DYTN: variants seen among roughly 807,000 people sequenced by gnomAD.
DYTN encodes dystrotelin.
In DYTN, 75 loss-of-function variants were observed where a neutral mutation model predicts 69.6. The ratio of observed to expected loss-of-function variants is 1.08; its 90% CI spans 0.89 to 1.31. DYTN has a LOEUF of 1.31. Ranked by LOEUF, DYTN falls within the 50% of genes most tolerant of loss-of-function variation. The probability of loss-of-function intolerance (pLI) is 0.00; values close to 1 mark genes in which losing one functional copy is unlikely to be tolerated. For missense variants in DYTN, 726 were observed against 688.4 expected (o/e 1.05, Z -0.61); for synonymous variants, 252 against 249.1 (o/e 1.01, Z -0.11).
chr2:206,671,437 C>T (rs1038646626), intron 9 of DYTN, among the ~76,000 whole-genome samples: 1 of 152,220 alleles, frequency 6.6e-6, no homozygotes, highest in African/African-American at 2.4e-5. Context: ...ACTGCCTCTT[C>T]ATTCAAATAC....
chr2:206,678,670 A>G (rs949842779), intron 9 of DYTN, among the ~76,000 whole-genome samples: 13 of 152,230 alleles, frequency 8.5e-5, no homozygotes, highest in African/African-American at 2.9e-4. Flanking sequence ...ACTATAGAGA[A>G]CTATATAATG....
intron 9 of DYTN, among the ~76,000 whole-genome samples, chr2:206,677,941 G>A (rs748003572): frequency 2.6e-5 from 4 of 151,914 alleles, no homozygotes. Context: ...AGTGAGCCAA[G>A]ATAGTGCCCC....
chr2:206,712,866 A>G (rs1019207316), intron 1 of DYTN, among the ~76,000 whole-genome samples: 4 of 152,234 alleles, frequency 2.6e-5, no homozygotes, highest in African/African-American at 7.2e-5. Context: ...TAATGTTCCA[A>G]TGAATCTGGG....
At chr2:206,699,062 T>C (rs1006945175) in intron 7 of DYTN, among the ~76,000 whole-genome samples, 1 of 152,226 alleles carries the variant, frequency 6.6e-6, no homozygotes, top group African/African-American at 2.4e-5. Context: ...AGCTTGGCAT[T>C]TGTCTAACAC....
chr2:206,711,665 A>T (rs1231048567), intron 1 of DYTN, among the ~76,000 whole-genome samples: 1 of 151,916 alleles, frequency 6.6e-6, no homozygotes, highest in African/African-American at 2.4e-5. Context: ...TACATGTGCC[A>T]TGTGGGTGTG....
intron 9 of DYTN, among the ~76,000 whole-genome samples, chr2:206,685,418 C>T (rs931942080): frequency 1.3e-5 from 2 of 152,122 alleles, no homozygotes; most frequent in African/African-American, 4.8e-5. Context: ...CCATTTCTGC[C>T]TCCCAAAGTG....
At chr2:206,685,181 A>T (rs973962535) in intron 9 of DYTN, among the ~76,000 whole-genome samples, 2 of 97,992 alleles carry the variant, frequency 2.0e-5, no homozygotes, top group Admixed American at 1.1e-4. Flanking sequence ...TTTATTTATT[A>T]TTTTGAAACA....
intron 2 of DYTN, among the ~76,000 whole-genome samples, chr2:206,708,204 TAAA>T (rs1253195998): frequency 2.0e-5 from 3 of 152,204 alleles, no homozygotes; most frequent in African/African-American, 7.2e-5. Context: ...CACCTTCTCC[TAAA>T]ATTTTTACAA....
At position 206,663,055 on chromosome 2, in the gene DYTN, A is replaced by G. The variant is rs757441260; in HGVS notation, c.1481T>C (p.Met494Thr). 3.1e-6 allele frequency: 5 copies of G among 1,613,788 alleles called. No individual in the cohort carries two copies. Among genetic ancestry groups the G allele is most frequent in the Non-Finnish European group, 4.2e-6 (5 of 1,179,870 alleles). Residue 494 changes from methionine (M) to threonine (T), a missense_variant, in exon 11 of 12, where the codon ATG becomes ACG. Coordinates refer to ENST00000452335, the MANE Select transcript of DYTN (RefSeq NM_001093730.1). The stretch of plus-strand genomic sequence containing the variant: ...AGGACTGCTCATTTCAGCAGGAACC[A>G]TTTTGGGGATGTCCTGCTTCAGTCC... ...QEGLKQDIPK[M>T]VPAEMSSPAL...
chr2:206,704,075 A>T (rs1169504848), intron 5 of DYTN, among the ~76,000 whole-genome samples: 1 of 152,242 alleles, frequency 6.6e-6, no homozygotes, highest in Non-Finnish European at 1.5e-5. Context: ...TGATGGAAAT[A>T]ATTTTGAGTA....
chr2:206,699,666 A>G, intron 7 of DYTN, 61 bp downstream of exon 7: 1 of 1,522,174 alleles, frequency 6.6e-7, no homozygotes, highest in South Asian at 1.3e-5. Context: ...GAAGGGATGC[A>G]GCTCCAACTG....
At chr2:206,705,734 T>A (rs1700018461) in intron 4 of DYTN, 54 bp downstream of exon 4, 1 of 1,537,080 alleles carries the variant, frequency 6.5e-7, no homozygotes, top group East Asian at 2.3e-5. Flanking sequence ...GATAACAGGT[T>A]GGGGATTTGG....
intron 9 of DYTN, among the ~76,000 whole-genome samples, chr2:206,668,441 G>C (rs907983325): frequency 6.6e-6 from 1 of 152,140 alleles, no homozygotes; most frequent in African/African-American, 2.4e-5. Context: ...TGCCAATATT[G>C]CCAGCAACTG....
intron 9 of DYTN, chr2:206,670,646 T>C (rs1699620478): frequency 6.6e-6 from 1 of 152,234 alleles, no homozygotes; most frequent in African/African-American, 2.4e-5. Flanking sequence ...ATGATAATTA[T>C]GTTTTTCAAA....
chr2:206,662,870 C>A, intron 11 of DYTN, 33 bp downstream of exon 11: 1 of 1,572,086 alleles, frequency 6.4e-7, no homozygotes, highest in Non-Finnish European at 8.6e-7. Context: ...AATCCTTGGC[C>A]ATCACGATGT....
chr2:206,672,575 G>A (rs1460986182), intron 9 of DYTN, among the ~76,000 whole-genome samples: 2 of 152,228 alleles, frequency 1.3e-5, no homozygotes, highest in Non-Finnish European at 1.5e-5. Flanking sequence ...GTAAAATGCA[G>A]ACAGGCCCAA....
intron 9 of DYTN, among the ~76,000 whole-genome samples, chr2:206,670,721 T>A (rs1321730164): frequency 1.3e-5 from 2 of 152,228 alleles, no homozygotes; most frequent in African/African-American, 4.8e-5. Flanking sequence ...ATGACGCAGA[T>A]GTTTACATGC....
In DYTN at chr2:206,694,777, G is replaced by A. The variant is rs1574599102; in HGVS notation, c.820C>T (p.His274Tyr). The A allele has an allele frequency of 6.2e-7, 1 of 1,606,798 alleles. No individual in the cohort carries two copies. The highest frequency in any genetic ancestry group is 2.2e-5 in the East Asian group (1 of 44,822). ...ACATTAAATGTTACCTGAATGCAGT[G>A]CTCAATGACAGGATGAGACTTCTGA... is the stretch of plus-strand genomic sequence containing the variant. Reference protein sequence around the residue: ...SHQKSHPVIEHCIQMSAMQNT... With the variant: ...SHQKSHPVIEYCIQMSAMQNT... Residue 274 changes from histidine to tyrosine, a missense_variant, in exon 8 of 12, where the codon CAC (histidine) becomes TAC (tyrosine). By Grantham distance (83) the His-to-Tyr change is moderately conservative (BLOSUM62 2). Transcript: ENST00000452335.
intron 9 of DYTN, among the ~76,000 whole-genome samples, chr2:206,675,247 A>G (rs1262381302): frequency 6.9e-6 from 1 of 144,630 alleles, no homozygotes; most frequent in Non-Finnish European, 1.5e-5. Context: ...ATATGTAAAT[A>G]AACATATATA....
Sources: gnomAD v4.1 joint callset for allele counts (sites outside exome capture counted in the v4.1 genomes callset) on GRCh38, gnomAD v4.1.1 for gene constraint, MANE v1.5 for transcripts, NCBI Gene and HGNC (gene_info 2026-07-23, HGNC 2026-07-21) for gene names.